Variants in AKAP6 observed in about 807,000 individuals in gnomAD.
AKAP6 encodes A-kinase anchor protein 6.
A neutral mutation model predicts 188.5 loss-of-function variants in AKAP6; 58 were observed. The observed-to-expected ratio is 0.31, with a 90% CI of 0.25 to 0.38. The LOEUF (loss-of-function observed/expected upper bound fraction) is 0.38. AKAP6 is among the 10% of genes least tolerant of loss of function. The pLI is 1.00. For missense variants in AKAP6, 2,710 were observed against 2,740.0 expected (o/e 0.99, Z 0.24); for synonymous variants, 989 against 998.6 (o/e 0.99, Z 0.18).
rs150614250 is a variant in AKAP6, at chr14:32,760,119, AG to A, written c.3373-13557del. 6.9e-3 allele frequency among the ~76,000 whole-genome samples: 1,053 copies of A among 152,350 alleles called. 13 individuals are homozygous for A. The highest frequency in any genetic ancestry group is 0.023 in the African/African-American group (962 of 41,578). On this transcript the variant is annotated intron_variant, in intron 11 of 13. Transcript: ENST00000280979. ...CATGAACGGAATCTGAGACCAAACA[AG>A]GTTGTTTCATGCAAATTATTGCAAC...
Position 32,464,148 on chromosome 14 carries a change from C to T in AKAP6, c.324+30331C>T, listed in dbSNP as rs554653395. On this transcript the variant is annotated intron_variant, in intron 2 of 13. Transcript: ENST00000280979. ...GCCCAGGACCAGATGGATACACAGC[C>T]GAATTCTACCAGCAGTACAAAGAGG... 2.8e-4 allele frequency among the ~76,000 whole-genome samples: 43 copies of T among 152,236 alleles called. No individual in the cohort carries two copies. In the South Asian group the frequency reaches 8.9e-3, roughly 32 times the overall value.
At position 32,429,711 on chromosome 14, in the gene AKAP6, C is replaced by T. The variant is rs887141437; in HGVS notation, c.-34-3749C>T. Among the ~76,000 whole-genome samples the T allele has an allele frequency of 6.6e-5, 10 of 152,264 alleles. 1 individual carries two copies. Among genetic ancestry groups the T allele is most frequent in the East Asian group, 1.9e-4 (1 of 5,186 alleles). The stretch of plus-strand genomic sequence containing the variant: ...GTTGAAATGAAACTTGAGTAAAGCA[C>T]GCTTTGTTTTATCTCTATGGGTTAT... On this transcript the variant is annotated intron_variant, in intron 1 of 13. Coordinates refer to ENST00000280979, the MANE Select transcript of AKAP6 (RefSeq NM_004274.5).
chr14:32,594,384 A>G (rs1885605636), intron 5 of AKAP6, among the ~76,000 whole-genome samples: 1 of 152,112 alleles, frequency 6.6e-6, no homozygotes, highest in Admixed American at 6.6e-5. Flanking sequence ...TTTTTGTGGC[A>G]TGTTCTATGT....
chr14:32,368,945 G>A (rs1205863543), intron 1 of AKAP6, among the ~76,000 whole-genome samples: 6 of 151,948 alleles, frequency 3.9e-5, no homozygotes, highest in African/African-American at 1.5e-4. Context: ...CACTGAAAGT[G>A]TTAAGTGGGG....
At chr14:32,502,317 G>A (rs1430643356) in intron 2 of AKAP6, among the ~76,000 whole-genome samples, 1 of 152,122 alleles carries the variant, frequency 6.6e-6, no homozygotes, top group Non-Finnish European at 1.5e-5. Context: ...GTGGTAAAGA[G>A]TGACTGCTCT....
chr14:32,643,930 T>A (rs1360831245), intron 7 of AKAP6, among the ~76,000 whole-genome samples: 8 of 152,222 alleles, frequency 5.3e-5, no homozygotes, highest in Non-Finnish European at 8.8e-5. Context: ...AAACTCATAA[T>A]GCTGACTGCA....
intron 7 of AKAP6, among the ~76,000 whole-genome samples, chr14:32,612,663 A>T (rs1053977381): frequency 3.1e-4 from 47 of 152,250 alleles, no homozygotes; most frequent in African/African-American, 1.0e-3. Context: ...TTATAGTGTG[A>T]ATTTATTATT....
At chr14:32,477,153 T>A (rs1879110896) in intron 2 of AKAP6, among the ~76,000 whole-genome samples, 1 of 152,124 alleles carries the variant, frequency 6.6e-6, no homozygotes, top group Non-Finnish European at 1.5e-5. Flanking sequence ...TTATCTGAGG[T>A]CTACATGCCA....
intron 2 of AKAP6, among the ~76,000 whole-genome samples, chr14:32,515,919 C>T (rs768248555): frequency 2.6e-5 from 4 of 152,122 alleles, no homozygotes; most frequent in Admixed American, 6.6e-5. Context: ...ACAGAAATGA[C>T]CTATACACCA....
At position 32,834,577 on chromosome 14, in the gene AKAP6, G is replaced by T. The variant is rs1174348675; in HGVS notation, c.*4772G>T. 2.0e-4 allele frequency: 19 copies of T among 94,216 alleles called. No homozygotes were observed. The highest frequency in any genetic ancestry group is 6.8e-4 in the African/African-American group (17 of 24,930). The allele number at this position is 94,216 out of a possible 1,614,324, so 5.8% of individuals were successfully genotyped here. A position where few individuals can be genotyped will look rare whatever the true frequency, so the allele number is the denominator to read the frequency against. On this transcript the variant is annotated 3_prime_UTR_variant, in exon 14 of 14. Coordinates refer to ENST00000280979, the MANE Select transcript of AKAP6 (RefSeq NM_004274.5). The stretch of plus-strand genomic sequence containing the variant: ...TTTAAATCTTGCATAGTTTCCCTGT[G>T]CTTTTACTCTATTTTTCTTTGGGCT...
intron 1 of AKAP6, among the ~76,000 whole-genome samples, chr14:32,352,445 A>G (rs2138452555): frequency 6.6e-6 from 1 of 152,180 alleles, no homozygotes; most frequent in South Asian, 2.1e-4. Context: ...TCTAGTTATT[A>G]TGAGATATAC....
At chr14:32,730,383 A>G (rs2031114438) in intron 9 of AKAP6, among the ~76,000 whole-genome samples, 1 of 152,206 alleles carries the variant, frequency 6.6e-6, no homozygotes, top group Non-Finnish European at 1.5e-5. Context: ...TATAATAGCT[A>G]TTGCAGTGAC....
chr14:32,582,967 C>A (rs1225212425), intron 5 of AKAP6, among the ~76,000 whole-genome samples: 1 of 152,192 alleles, frequency 6.6e-6, no homozygotes, highest in Non-Finnish European at 1.5e-5. Flanking sequence ...GTTTGATCAT[C>A]TGAAGCCTTC....
intron 1 of AKAP6, among the ~76,000 whole-genome samples, chr14:32,346,552 A>G (rs916121335): frequency 2.6e-5 from 4 of 152,240 alleles, no homozygotes; most frequent in Non-Finnish European, 2.9e-5. Flanking sequence ...TCTTTCACCC[A>G]GGCCGAACTG....
intron 12 of AKAP6, among the ~76,000 whole-genome samples, chr14:32,774,238 T>C (rs1001377374): frequency 6.6e-6 from 1 of 152,222 alleles, no homozygotes; most frequent in African/African-American, 2.4e-5. Flanking sequence ...ACTAACAATA[T>C]TCATTAATCA....
chr14:32,797,301 G>GATAC (rs2033800862), intron 12 of AKAP6, among the ~76,000 whole-genome samples: 1 of 150,948 alleles, frequency 6.6e-6, no homozygotes, highest in South Asian at 2.1e-4. Context: ...GAATATAAAA[G>GATAC]ATACATGCAT....
chr14:32,400,025 G>C (rs958622270), intron 1 of AKAP6, among the ~76,000 whole-genome samples: 1 of 151,988 alleles, frequency 6.6e-6, no homozygotes, highest in African/African-American at 2.4e-5. Context: ...CTTCCACCAG[G>C]ACCTCAGCAA....
At chr14:32,708,192 T>C (rs1034610309) in intron 9 of AKAP6, among the ~76,000 whole-genome samples, 2 of 152,058 alleles carry the variant, frequency 1.3e-5, no homozygotes, top group Admixed American at 1.3e-4. Context: ...ATGGTAGGTA[T>C]AGAAGCACAA....
At chr14:32,556,204 A>G (rs1319547829) in intron 4 of AKAP6, among the ~76,000 whole-genome samples, 4 of 152,146 alleles carry the variant, frequency 2.6e-5, no homozygotes. Context: ...TCTCTGATGA[A>G]TAATGATGTT....
Sources: allele counts gnomAD v4.1 joint callset (sites outside exome capture counted in the v4.1 genomes callset), GRCh38; gene constraint gnomAD v4.1.1; transcripts MANE v1.5; gene names NCBI Gene and HGNC (gene_info 2026-07-23, HGNC 2026-07-21).